MET: variants seen among roughly 807,000 people sequenced by gnomAD.
MET encodes hepatocyte growth factor receptor.
Under a neutral mutation model 133.1 loss-of-function variants are expected in MET, and 48 were observed. The ratio of observed to expected loss-of-function variants is 0.36; its 90% CI spans 0.29 to 0.46. The LOEUF is 0.46. MET is among the 20% of genes least tolerant of loss of function. MET has a pLI of 1.00. For synonymous variants in MET, 628 were observed against 616.5 expected, an observed-to-expected ratio of 1.02 and a Z score of -0.28; for missense variants, 1,442 against 1,695.9, an observed-to-expected ratio of 0.85 and a Z score of 2.63.
intron 9 of MET, among the ~76,000 whole-genome samples, chr7:116,759,099 C>G (rs548105693): frequency 6.6e-6 from 1 of 152,254 alleles, no homozygotes; most frequent in African/African-American, 2.4e-5. Context: ...AGTCTAGCAA[C>G]AATAGTTAAG....
chr7:116,697,471 T>A (rs1428279685), intron 1 of MET, among the ~76,000 whole-genome samples: 2 of 152,188 alleles, frequency 1.3e-5, no homozygotes, highest in African/African-American at 4.8e-5. Context: ...TCCTTAATGA[T>A]TATTAATCAC....
intron 2 of MET, among the ~76,000 whole-genome samples, chr7:116,717,867 A>G (rs919987914): frequency 6.6e-6 from 1 of 152,230 alleles, no homozygotes; most frequent in Admixed American, 6.5e-5. Context: ...TGAATCAAAT[A>G]TATTGAGATA....
intron 11 of MET, among the ~76,000 whole-genome samples, chr7:116,765,824 C>T (rs1042844471): frequency 2.6e-5 from 4 of 152,010 alleles, no homozygotes; most frequent in African/African-American, 9.7e-5. Context: ...GATGATTATC[C>T]CCATTTATAG....
chr7:116,757,605 A>G (rs1287045050), intron 7 of MET, 33 bp from the exon 8 acceptor site: 3 of 1,613,776 alleles, frequency 1.9e-6, no homozygotes, highest in Admixed American at 3.3e-5. Context: ...AAGATGAACA[A>G]GTTACTTTGT....
chr7:116,795,556 T>C, intron 19 of MET, 99 bp from the exon 20 acceptor site: 1 of 1,518,436 alleles, frequency 6.6e-7, no homozygotes. Flanking sequence ...CCGTATTGAG[T>C]ATGTAAAGCC....
At chr7:116,727,719 G>A (rs118052543) in intron 2 of MET, among the ~76,000 whole-genome samples, 5 of 152,276 alleles carry the variant, frequency 3.3e-5, no homozygotes, top group Non-Finnish European at 5.9e-5. Flanking sequence ...ATGTGTAGTT[G>A]TTCTTCCAGC....
At chr7:116,687,394 A>G (rs1439219677) in intron 1 of MET, among the ~76,000 whole-genome samples, 1 of 152,164 alleles carries the variant, frequency 6.6e-6, no homozygotes, top group Non-Finnish European at 1.5e-5. Flanking sequence ...ATTCTTTTAA[A>G]AGTGTTTAAG....
chr7:116,720,772 A>G (rs1409022997), intron 2 of MET, among the ~76,000 whole-genome samples: 3 of 129,466 alleles, frequency 2.3e-5, no homozygotes, highest in African/African-American at 8.9e-5. Context: ...GGCTCTGTTT[A>G]TATGCTGGAT....
At chr7:116,709,801 GA>G (rs1379815125) in intron 2 of MET, among the ~76,000 whole-genome samples, 1 of 152,110 alleles carries the variant, frequency 6.6e-6, no homozygotes. Context: ...AGGAAAGTGA[GA>G]CTATTTTTCT....
intron 5 of MET, among the ~76,000 whole-genome samples, chr7:116,741,802 C>T (rs1327990004): frequency 6.6e-6 from 1 of 152,238 alleles, no homozygotes; most frequent in Non-Finnish European, 1.5e-5. Flanking sequence ...TACCATTTAG[C>T]AGGCTGCCCT....
intron 14 of MET, 32 bp from the exon 15 acceptor site, chr7:116,774,846 CTGT>C: frequency 6.5e-7 from 1 of 1,526,914 alleles, no homozygotes; most frequent in Non-Finnish European, 9.1e-7. Context: ...TGAGGTTTTA[CTGT>C]TGTTCTTTAA....
intron 1 of MET, among the ~76,000 whole-genome samples, chr7:116,676,988 G>GTT (rs11404514): frequency 1.0e-3 from 148 of 147,698 alleles, no homozygotes; most frequent in Middle Eastern, 3.5e-3. Flanking sequence ...GTGTTGTTTT[G>GTT]TTTTTTTTTT....
intron 2 of MET, among the ~76,000 whole-genome samples, chr7:116,713,322 G>A (rs1266570238): frequency 6.6e-6 from 1 of 151,524 alleles, no homozygotes; most frequent in African/African-American, 2.4e-5. Context: ...GTGAACCCGG[G>A]AGGCGGAGCT....
intron 2 of MET, among the ~76,000 whole-genome samples, chr7:116,711,888 T>C (rs1792015150): frequency 6.6e-6 from 1 of 152,156 alleles, no homozygotes; most frequent in Non-Finnish European, 1.5e-5. Context: ...TGTTAAACTC[T>C]GGGGGGAGGG....
intron 1 of MET, among the ~76,000 whole-genome samples, chr7:116,681,426 A>T (rs1461605425): frequency 2.0e-5 from 3 of 152,116 alleles, no homozygotes; most frequent in Non-Finnish European, 4.4e-5. Context: ...TGGCCCTAAA[A>T]CCTGTTATCT....
intron 2 of MET, among the ~76,000 whole-genome samples, chr7:116,717,418 G>T (rs1426729399): frequency 2.0e-5 from 3 of 152,150 alleles, no homozygotes; most frequent in Non-Finnish European, 4.4e-5. Flanking sequence ...AAAAACACAT[G>T]AGTGAAATTT....
chr7:116,790,495 C>A (rs1273435114), intron 19 of MET, among the ~76,000 whole-genome samples: 5 of 152,168 alleles, frequency 3.3e-5, no homozygotes, highest in Non-Finnish European at 5.9e-5. Context: ...GCCACATTTT[C>A]TTTATCCATT....
At chr7:116,770,640 A>G (rs988886123) in intron 12 of MET, among the ~76,000 whole-genome samples, 23 of 152,174 alleles carry the variant, frequency 1.5e-4, no homozygotes, top group African/African-American at 4.8e-4. Context: ...GAATTTGCCT[A>G]TTCTAGATAT....
chr7:116,769,572 T>C (rs971462742), intron 11 of MET, 73 bp from the exon 12 acceptor site: 2 of 1,565,442 alleles, frequency 1.3e-6, no homozygotes, highest in Admixed American at 3.4e-5. Context: ...TATATTTATA[T>C]TCCTTTGCCA....
Sources: gnomAD v4.1 joint callset for allele counts (sites outside exome capture counted in the v4.1 genomes callset) on GRCh38, gnomAD v4.1.1 for gene constraint, MANE v1.5 for transcripts, NCBI Gene and HGNC (gene_info 2026-07-23, HGNC 2026-07-21) for gene names.